Variants in ADGRF5 observed in about 807,000 individuals in gnomAD.
The protein encoded by ADGRF5 is adhesion G protein-coupled receptor F5.
ADGRF5 carries 75 observed loss-of-function variants against 132.3 expected under a neutral mutation model. The ratio of observed to expected loss-of-function variants is 0.57; its 90% CI spans 0.47 to 0.69. The LOEUF is 0.69. ADGRF5 is among the 30% of genes least tolerant of loss of function. ADGRF5 has a pLI of 0.00. For synonymous variants in ADGRF5, 629 were observed against 597.6 expected (o/e 1.05, Z -0.77); for missense variants, 1,516 against 1,630.6 (o/e 0.93, Z 1.21).
chr6:46,906,835 A>G lies in ADGRF5; in HGVS notation c.-24-49T>C, dbSNP rs1775427387. The G allele has an allele frequency of 3.2e-5, 27 of 847,984 alleles. No homozygotes were observed. The South Asian group carries it at 3.4e-4, about 11-fold the overall frequency. The allele number at this position is 847,984 out of a possible 1,614,324, so 52.5% of individuals were successfully genotyped here. On this transcript the variant is annotated intron_variant, in intron 1 of 20. Transcript: ENST00000283296. ...AGATATACAGCAATTTATTTCTTAAACAAGGAAAAAGAACTCGCAAGCCCT... is the reference window on the plus strand; with the variant it reads ...AGATATACAGCAATTTATTTCTTAAGCAAGGAAAAAGAACTCGCAAGCCCT...
At chr6:46,919,368 T>A (rs1776697149) in intron 1 of ADGRF5, among the ~76,000 whole-genome samples, 1 of 152,250 alleles carries the variant, frequency 6.6e-6, no homozygotes, top group Non-Finnish European at 1.5e-5. Flanking sequence ...TAGATGAGAA[T>A]AAGTTACCTG....
At chr6:46,927,216 C>T (rs377182383) in intron 1 of ADGRF5, among the ~76,000 whole-genome samples, 5 of 140,184 alleles carry the variant, frequency 3.6e-5, no homozygotes, top group Admixed American at 7.9e-5. Context: ...GTCATAATGC[C>T]AAAACCACTA....
rs753223181 is a variant in ADGRF5 at position 46,900,020 on chromosome 6, T to A, written c.157+9A>T. Reference sequence around the variant, plus strand: ...TATAAAAGGGATTGCCAAGCAAGAGTTTACATACCGGCTCGTTTTTGCCTC... The same window carrying A: ...TATAAAAGGGATTGCCAAGCAAGAGATTACATACCGGCTCGTTTTTGCCTC... On this transcript the variant is annotated intron_variant, in intron 3 of 20. Coordinates refer to ENST00000283296, the MANE Select transcript of ADGRF5 (RefSeq NM_001098518.2). The A allele has an allele frequency of 6.3e-7, 1 of 1,598,206 alleles. No individual in the cohort carries two copies. Among genetic ancestry groups the A allele is most frequent in the South Asian group, 1.1e-5 (1 of 90,734 alleles).
chr6:46,942,594 TGTGA>T (rs1417698194), intron 1 of ADGRF5, among the ~76,000 whole-genome samples: 1 of 152,214 alleles, frequency 6.6e-6, no homozygotes, highest in Non-Finnish European at 1.5e-5. Context: ...GAGCAGAACT[TGTGA>T]GTATTAAGTC....
At chr6:46,868,171 G>T (rs1770657150) in intron 12 of ADGRF5, among the ~76,000 whole-genome samples, 1 of 152,158 alleles carries the variant, frequency 6.6e-6, no homozygotes, top group South Asian at 2.1e-4. Context: ...GCTAAGAGTT[G>T]ACCACTGGAG....
chr6:46,885,683 A>G (rs551204959), intron 4 of ADGRF5, among the ~76,000 whole-genome samples: 1 of 152,356 alleles, frequency 6.6e-6, no homozygotes, highest in South Asian at 2.1e-4. Flanking sequence ...TTCATCTCCC[A>G]GAGTGAGCAA....
intron 1 of ADGRF5, among the ~76,000 whole-genome samples, chr6:46,941,863 G>A (rs1778104048): frequency 6.6e-6 from 1 of 152,178 alleles, no homozygotes; most frequent in African/African-American, 2.4e-5. Flanking sequence ...TAAAGAGCCA[G>A]CTTCGCCTCT....
intron 12 of ADGRF5, 67 bp downstream of exon 12, chr6:46,868,816 T>C (rs1192709117): frequency 1.0e-6 from 1 of 979,368 alleles, no homozygotes; most frequent in Non-Finnish European, 1.6e-6. Flanking sequence ...CCTACACAGA[T>C]GGTAACTATT....
In ADGRF5 at chr6:46,906,899, GAC is replaced by G. The variant is rs1420350220; in HGVS notation, c.-24-115_-24-114del. The G allele has an allele frequency of 4.6e-6, 3 of 657,842 alleles. No individual in the cohort carries two copies. The Admixed American group carries it at 8.3e-5, about 18-fold the overall frequency. 40.8% of individuals were successfully genotyped at this position (657,842 alleles called of 1,614,324 possible). On this transcript the variant is annotated intron_variant, in intron 1 of 20. Coordinates refer to ENST00000283296, the MANE Select transcript of ADGRF5 (RefSeq NM_001098518.2). ...TCCTACACAAGAACTTTTCAAAAGA[GAC>G]ACAAAAGGAAGGAGGAGCATGAAGG... is the stretch of plus-strand genomic sequence containing the variant.
At chr6:46,872,333 A>G (rs2150814225) in intron 10 of ADGRF5, among the ~76,000 whole-genome samples, 1 of 152,314 alleles carries the variant, frequency 6.6e-6, no homozygotes, top group East Asian at 1.9e-4. Context: ...GTTAAATGAG[A>G]TAATATACAT....
chr6:46,881,980 G>A, intron 7 of ADGRF5, 69 bp downstream of exon 7: 3 of 1,151,516 alleles, frequency 2.6e-6, no homozygotes, highest in Admixed American at 3.4e-5. Flanking sequence ...TCTCTAGGGG[G>A]TTTACCTCCT....
At chr6:46,942,007 C>T (rs1679369518) in intron 1 of ADGRF5, among the ~76,000 whole-genome samples, 1 of 152,184 alleles carries the variant, frequency 6.6e-6, no homozygotes, top group African/African-American at 2.4e-5. Flanking sequence ...AAGCTAATTA[C>T]TCCTTTTTTG....
At chr6:46,900,661 T>A (rs1245968506) in intron 2 of ADGRF5, among the ~76,000 whole-genome samples, 2 of 152,252 alleles carry the variant, frequency 1.3e-5, no homozygotes, top group Non-Finnish European at 2.9e-5. Context: ...GGTACAAGAC[T>A]GTGCCACTTA....
chr6:46,896,489 C>G (rs1303708745), intron 3 of ADGRF5, among the ~76,000 whole-genome samples: 1 of 152,128 alleles, frequency 6.6e-6, no homozygotes, highest in Non-Finnish European at 1.5e-5. Context: ...CAGGCCCTTT[C>G]AAACGCAACA....
At chr6:46,910,979 C>T (rs1775889064) in intron 1 of ADGRF5, among the ~76,000 whole-genome samples, 1 of 152,168 alleles carries the variant, frequency 6.6e-6, no homozygotes. Flanking sequence ...CAAATGCAGG[C>T]TCACTCTGGT....
chr6:46,930,867 A>G (rs1777525005), intron 1 of ADGRF5, among the ~76,000 whole-genome samples: 1 of 152,136 alleles, frequency 6.6e-6, no homozygotes, highest in South Asian at 2.1e-4. Flanking sequence ...AGCCTGGGCA[A>G]CATGGTAGGA....
chr6:46,863,809 T>A (rs1034781801), intron 14 of ADGRF5, among the ~76,000 whole-genome samples: 2 of 152,168 alleles, frequency 1.3e-5, no homozygotes, highest in Admixed American at 6.5e-5. Context: ...GAAACCATAT[T>A]TGGTATAAAG....
Position 46,867,261 on chromosome 6 carries a change from T to G in ADGRF5, c.1622-124A>C, listed in dbSNP as rs991427185. The G allele has an allele frequency of 4.9e-6, 3 of 615,058 alleles. No homozygotes were observed. In the Admixed American group the frequency reaches 8.2e-5, roughly 17 times the overall value. The allele number at this position is 615,058 out of a possible 1,614,324, so 38.1% of individuals were successfully genotyped here. ...GCTTTAGTAAAGGAATACCACAACT[T>G]CCTGGACACTGGAGGAAAAAATGCT... On this transcript the variant is annotated intron_variant, in intron 12 of 20. Transcript: ENST00000283296.
rs947485774 is a variant in ADGRF5, at chr6:46,888,440, A to T, written c.223T>A (p.Ser75Thr). The T allele has an allele frequency of 6.2e-7, 1 of 1,612,020 alleles. No individual in the cohort carries two copies. The highest frequency in any genetic ancestry group is 8.5e-7 in the Non-Finnish European group (1 of 1,178,068). The change falls in exon 4 of 21, where the codon TCC becomes ACC. Residue 75 changes from serine to threonine, a missense_variant. Ser to Thr is a moderately conservative substitution (Grantham distance 58, BLOSUM62 1). This residue lies in a region of ADGRF5 where 945 missense variants were observed against 929.4 expected (regional missense o/e 1.02). Coordinates refer to ENST00000283296, the MANE Select transcript of ADGRF5 (RefSeq NM_001098518.2). The part of the protein sequence containing the change: ...VNIEISFENA[S>T]FLDPIKAYLN... ...TAGGCTTTGATAGGATCCAGGAAGG[A>T]TGCATTTTCAAAACTGATCTCAATA...
Sources: allele counts gnomAD v4.1 joint callset (sites outside exome capture counted in the v4.1 genomes callset), GRCh38; gene constraint gnomAD v4.1.1; regional missense constraint gnomAD v4.1.1; transcripts MANE v1.5; gene names NCBI Gene and HGNC (gene_info 2026-07-23, HGNC 2026-07-21).